LRRC18: variants seen among roughly 807,000 people sequenced by gnomAD.
LRRC18 encodes leucine rich repeat containing 18.
LRRC18 carries 12 observed loss-of-function variants against 11.2 expected under a neutral mutation model. The ratio of observed to expected loss-of-function variants is 1.07; its 90% CI spans 0.69 to 1.74. LRRC18 has a LOEUF of 1.74. Ranked by LOEUF, LRRC18 falls within the 40% of genes most tolerant of loss-of-function variation. The pLI, the probability that LRRC18 is intolerant of heterozygous loss-of-function variation, is 0.00. For synonymous variants in LRRC18, 155 were observed against 130.6 expected (o/e 1.19, Z -1.27); for missense variants, 374 against 330.5 (o/e 1.13, Z -1.02).
At chr10:48,934,267 A>G in the LRRC18 span, among the ~76,000 whole-genome samples, 7 of 152,318 alleles carry the variant, frequency 4.6e-5, no homozygotes, top group East Asian at 1.4e-3. Context: ...AAGCAAAGAC[A>G]CTACCTACTT....
the LRRC18 span, among the ~76,000 whole-genome samples, chr10:48,934,494 T>C: frequency 6.6e-6 from 1 of 152,236 alleles, no homozygotes; most frequent in Non-Finnish European, 1.5e-5. Flanking sequence ...TTTCCCATTA[T>C]ACCTGTCATA....
At chr10:48,919,284 C>T in the LRRC18 span, among the ~76,000 whole-genome samples, 1 of 151,708 alleles carries the variant, frequency 6.6e-6, no homozygotes, top group African/African-American at 2.4e-5. Flanking sequence ...ACAAACAACT[C>T]TAAAAAAAAG....
chr10:48,921,606 GA>G, the LRRC18 span, among the ~76,000 whole-genome samples: 77,301 of 151,358 alleles, frequency 0.51, 20,430 homozygotes, highest in East Asian at 0.61. Context: ...AAGCTCTGTG[GA>G]AAAAAAAAAC....
chr10:48,914,234 T>C (rs1838290450), upstream of LRRC18: 1 of 1,458,714 alleles, frequency 6.9e-7, no homozygotes, highest in Non-Finnish European at 9.2e-7. Flanking sequence ...CATGAAAAAC[T>C]GCTGAAAGAT....
chr10:48,913,555 C>A (rs748422496), exon 1 of LRRC18: 2 of 1,614,156 alleles, frequency 1.2e-6, no homozygotes, highest in Admixed American at 3.3e-5. Flanking sequence ...TTCTCCTCCA[C>A]AACATACAAG....
At position 48,913,350 on chromosome 10, in the gene LRRC18, C is replaced by T. The variant is rs546775111; in HGVS notation, c.764+42G>A. The stretch of plus-strand genomic sequence containing the variant: ...GGTAGCCCACTGCCCTCTTCCCTCC[C>T]TCTCTCTTTCCCTTCTGCCTCAGGG... On this transcript the variant is annotated intron_variant, in intron 1 of 1. Transcript: ENST00000374160. 5.7e-6 allele frequency: 9 copies of T among 1,578,868 alleles called. No individual in the cohort carries two copies. In the African/African-American group the frequency reaches 1.1e-4, roughly 19 times the overall value.
At chr10:48,938,469 C>T in the LRRC18 span, among the ~76,000 whole-genome samples, 96 of 152,264 alleles carry the variant, frequency 6.3e-4, no homozygotes, top group Non-Finnish European at 2.4e-4. Context: ...CAGCCACAGG[C>T]TGCTCTGCCA....
At chr10:48,912,719 G>A (rs1838121361) in intron 1 of LRRC18, among the ~76,000 whole-genome samples, 1 of 152,240 alleles carries the variant, frequency 6.6e-6, no homozygotes, top group South Asian at 2.1e-4. Flanking sequence ...AACACTGAAT[G>A]TAATAGGATG....
the LRRC18 span, among the ~76,000 whole-genome samples, chr10:48,934,042 T>C: frequency 6.6e-6 from 1 of 152,244 alleles, no homozygotes; most frequent in African/African-American, 2.4e-5. Context: ...CATCTCTCCC[T>C]GGAGGCTGAG....
At chr10:48,929,321 C>G in the LRRC18 span, among the ~76,000 whole-genome samples, 1 of 152,154 alleles carries the variant, frequency 6.6e-6, no homozygotes, top group African/African-American at 2.4e-5. Context: ...AAACCCAGCC[C>G]TGAGGCTGGT....
the LRRC18 span, among the ~76,000 whole-genome samples, chr10:48,929,972 T>A: frequency 6.6e-6 from 1 of 152,182 alleles, no homozygotes; most frequent in Admixed American, 6.5e-5. Flanking sequence ...CTAAATGTAG[T>A]TTATGATGCA....
At chr10:48,937,864 T>C in the LRRC18 span, among the ~76,000 whole-genome samples, 1 of 152,118 alleles carries the variant, frequency 6.6e-6, no homozygotes, top group Non-Finnish European at 1.5e-5. Context: ...GAGAAATAAA[T>C]GGGGAGAGAG....
upstream of LRRC18, among the ~76,000 whole-genome samples, chr10:48,917,075 A>G (rs1838617883): frequency 6.6e-6 from 1 of 152,228 alleles, no homozygotes; most frequent in Non-Finnish European, 1.5e-5. Flanking sequence ...GTACAGTAAC[A>G]TGCTGTACAG....
At chr10:48,927,975 T>C in the LRRC18 span, among the ~76,000 whole-genome samples, 1 of 152,156 alleles carries the variant, frequency 6.6e-6, no homozygotes, top group African/African-American at 2.4e-5. Flanking sequence ...CAAACCAACC[T>C]CAAGAGAAGC....
upstream of LRRC18, among the ~76,000 whole-genome samples, chr10:48,914,891 G>T (rs543019847): frequency 6.6e-6 from 1 of 152,190 alleles, no homozygotes; most frequent in African/African-American, 2.4e-5. Context: ...TGCGGGCAAA[G>T]CTCATGGAGA....
At chr10:48,929,342 G>A in the LRRC18 span, among the ~76,000 whole-genome samples, 1 of 152,200 alleles carries the variant, frequency 6.6e-6, no homozygotes, top group Non-Finnish European at 1.5e-5. Flanking sequence ...ACCAGGCATG[G>A]GGTTGCACTG....
the LRRC18 span, among the ~76,000 whole-genome samples, chr10:48,925,023 C>T: frequency 1.3e-5 from 2 of 152,236 alleles, no homozygotes; most frequent in Admixed American, 6.5e-5. Context: ...TGCCATTTCA[C>T]AGCCAGTATT....
chr10:48,914,468 A>G (rs1179764128), upstream of LRRC18, among the ~76,000 whole-genome samples: 1 of 152,144 alleles, frequency 6.6e-6, no homozygotes, highest in African/African-American at 2.4e-5. Flanking sequence ...GAAGGACACT[A>G]AATGTCCCTC....
the LRRC18 span, among the ~76,000 whole-genome samples, chr10:48,926,956 G>A: frequency 6.6e-6 from 1 of 152,216 alleles, no homozygotes; most frequent in African/African-American, 2.4e-5. Flanking sequence ...TGAGTCAAGA[G>A]TGTGAAGACA....
Sources: allele counts gnomAD v4.1 joint callset (sites outside exome capture counted in the v4.1 genomes callset), GRCh38; gene constraint gnomAD v4.1.1; transcripts MANE v1.5; gene names NCBI Gene and HGNC (gene_info 2026-07-23, HGNC 2026-07-21).